Variants in NYAP2 observed in about 807,000 individuals in gnomAD.
The protein encoded by NYAP2 is neuronal tyrosine-phosphorylated phosphoinositide-3-kinase adapter 2.
In NYAP2, 23 loss-of-function variants were observed where a neutral mutation model predicts 50.4. The observed-to-expected ratio is 0.46, with a 90% CI of 0.33 to 0.65. NYAP2 has a LOEUF of 0.65. Among genes scored for constraint, NYAP2 ranks in the 30% least tolerant of loss-of-function variants. The probability of loss-of-function intolerance (pLI) is 0.02; values close to 1 mark genes in which losing one functional copy is unlikely to be tolerated. For synonymous variants in NYAP2, 394 were observed against 365.2 expected (o/e 1.08, Z -0.90); for missense variants, 885 against 861.0 (o/e 1.03, Z -0.35).
chr2:225,489,885 C>CT (rs1302629026), intron 3 of NYAP2, among the ~76,000 whole-genome samples: 1 of 152,170 alleles, frequency 6.6e-6, no homozygotes, highest in Non-Finnish European at 1.5e-5. Context: ...TTTTTTAAAG[C>CT]TCCCCGGGGT....
Position 225,535,288 on chromosome 2 carries a change from G to A in NYAP2, c.523+21616G>A, listed in dbSNP as rs538351334. Among the ~76,000 whole-genome samples the A allele has an allele frequency of 3.9e-5, 6 of 152,296 alleles. No individual in the cohort carries two copies. In the South Asian group the frequency reaches 1.2e-3, roughly 32 times the overall value. ...TGGGCCAGCCAGCCCAGAAGAAAAT[G>A]TTTGAAGAGCCTATTTCCTTTGTCA... On this transcript the variant is annotated intron_variant, in intron 4 of 6. Transcript: ENST00000636099.
intron 3 of NYAP2, among the ~76,000 whole-genome samples, chr2:225,437,982 T>C (rs1358501900): frequency 3.3e-5 from 5 of 152,178 alleles, no homozygotes; most frequent in Non-Finnish European, 5.9e-5. Context: ...TCTCTCTCTT[T>C]CTCTCTTTCT....
intron 3 of NYAP2, among the ~76,000 whole-genome samples, chr2:225,443,485 G>T (rs1488785453): frequency 6.6e-6 from 1 of 152,066 alleles, no homozygotes; most frequent in Non-Finnish European, 1.5e-5. Flanking sequence ...TATAAACCAA[G>T]ATCCTTTTAC....
At chr2:225,697,798 T>C in the NYAP2 span, among the ~76,000 whole-genome samples, 1 of 151,988 alleles carries the variant, frequency 6.6e-6, no homozygotes, top group Non-Finnish European at 1.5e-5. Context: ...TATCGCGATG[T>C]TTACTAATTT....
chr2:225,551,866 GCAGTGGTGCCATCT>G (rs1159239582), intron 4 of NYAP2, among the ~76,000 whole-genome samples: 1 of 152,158 alleles, frequency 6.6e-6, no homozygotes, highest in Non-Finnish European at 1.5e-5. Flanking sequence ...AGGCTGGAGC[GCAGTGGTGCCATCT>G]CGGCTCACTG....
intron 4 of NYAP2, among the ~76,000 whole-genome samples, chr2:225,544,896 G>T (rs990946000): frequency 2.0e-5 from 3 of 152,072 alleles, no homozygotes; most frequent in Non-Finnish European, 4.4e-5. Context: ...CTCAGCTCTT[G>T]TTTATCAGGG....
chr2:225,695,694 C>A, the NYAP2 span, among the ~76,000 whole-genome samples: 5 of 151,814 alleles, frequency 3.3e-5, no homozygotes, highest in Non-Finnish European at 7.4e-5. Context: ...AGAGTTACTG[C>A]ATTTTTATTG....
At chr2:225,597,512 A>AACATATAT (rs1553554330) in intron 5 of NYAP2, among the ~76,000 whole-genome samples, 1 of 46,220 alleles carries the variant, frequency 2.2e-5, no homozygotes, top group African/African-American at 5.9e-5. Context: ...TCCAAGGAGA[A>AACATATAT]ATATATATAT....
chr2:225,412,373 C>T (rs1457990806), intron 3 of NYAP2, among the ~76,000 whole-genome samples: 1 of 141,938 alleles, frequency 7.0e-6, no homozygotes, highest in East Asian at 2.1e-4. Context: ...ATATTGATGA[C>T]TTAGAGAAAG....
chr2:225,685,322 G>A, the NYAP2 span, among the ~76,000 whole-genome samples: 522 of 152,184 alleles, frequency 3.4e-3, 4 homozygotes, highest in African/African-American at 0.012. Context: ...ACTTGAAATT[G>A]TATTAATGCT....
chr2:225,437,975 C>A (rs973478623), intron 3 of NYAP2, among the ~76,000 whole-genome samples: 5 of 152,210 alleles, frequency 3.3e-5, no homozygotes, highest in Admixed American at 2.6e-4. Flanking sequence ...ATCTCTCTCT[C>A]TCTCTTTCTC....
chr2:225,443,480 AC>A (rs1174111695), intron 3 of NYAP2, among the ~76,000 whole-genome samples: 3 of 152,258 alleles, frequency 2.0e-5, no homozygotes, highest in Admixed American at 2.0e-4. Context: ...GCTGATATAA[AC>A]CAAGATCCTT....
chr2:225,648,294 C>A (rs1693669287), intron 6 of NYAP2, among the ~76,000 whole-genome samples: 1 of 152,102 alleles, frequency 6.6e-6, no homozygotes, highest in African/African-American at 2.4e-5. Flanking sequence ...GCCACTGCAC[C>A]CGGCCCAAAT....
intron 6 of NYAP2, among the ~76,000 whole-genome samples, chr2:225,633,903 G>A (rs1430733045): frequency 6.6e-6 from 1 of 152,176 alleles, no homozygotes; most frequent in East Asian, 1.9e-4. Flanking sequence ...TGCATTTTCT[G>A]GTTTGTAAAA....
At chr2:225,415,521 C>T (rs987491984) in intron 3 of NYAP2, among the ~76,000 whole-genome samples, 1 of 152,062 alleles carries the variant, frequency 6.6e-6, no homozygotes, top group African/African-American at 2.4e-5. Flanking sequence ...ATAGTAATGA[C>T]TTCTGGGATC....
At chr2:225,564,082 C>T (rs1396545004) in intron 4 of NYAP2, among the ~76,000 whole-genome samples, 1 of 151,956 alleles carries the variant, frequency 6.6e-6, no homozygotes. Flanking sequence ...AAAGAATAGC[C>T]TCTGAAGTTT....
At chr2:225,619,851 C>T (rs1182200645) in intron 5 of NYAP2, among the ~76,000 whole-genome samples, 1 of 152,134 alleles carries the variant, frequency 6.6e-6, no homozygotes, top group Non-Finnish European at 1.5e-5. Context: ...ATACAAAACA[C>T]CCAGTCTGAA....
At chr2:225,475,838 T>C (rs1017044570) in intron 3 of NYAP2, among the ~76,000 whole-genome samples, 1 of 152,182 alleles carries the variant, frequency 6.6e-6, no homozygotes, top group Admixed American at 6.5e-5. Flanking sequence ...AAGCTATTTA[T>C]TTAGAATATT....
intron 3 of NYAP2, among the ~76,000 whole-genome samples, chr2:225,492,163 T>C (rs2106171637): frequency 6.6e-6 from 1 of 152,316 alleles, no homozygotes; most frequent in Admixed American, 6.5e-5. Flanking sequence ...CAAATGCCCA[T>C]GTGTCCTGGT....
Sources: allele counts gnomAD v4.1 joint callset (sites outside exome capture counted in the v4.1 genomes callset), GRCh38; gene constraint gnomAD v4.1.1; transcripts MANE v1.5; gene names NCBI Gene and HGNC (gene_info 2026-07-23, HGNC 2026-07-21).